The following ZNF503 variants were observed in gnomAD, a reference collection of about 807,000 sequenced individuals.
ZNF503 encodes zinc finger protein 503.
ZNF503 carries 15 observed loss-of-function variants against 34.4 expected under a neutral mutation model. The ratio of observed to expected loss-of-function variants is 0.44; its 90% CI spans 0.29 to 0.67. The LOEUF is 0.67. ZNF503 is among the 30% of genes least tolerant of loss of function. ZNF503 has a pLI of 0.13. For synonymous variants in ZNF503, 580 were observed against 456.8 expected, an observed-to-expected ratio of 1.27 and a Z score of -3.44; for missense variants, 1,007 against 926.8, an observed-to-expected ratio of 1.09 and a Z score of -1.12.
At chr10:75,354,184 G>C in the ZNF503 span, among the ~76,000 whole-genome samples, 4 of 152,266 alleles carry the variant, frequency 2.6e-5, no homozygotes, top group African/African-American at 7.2e-5. Context: ...TGCAAGTGGT[G>C]GTGGCAAAAC....
At chr10:75,331,470 G>A in the ZNF503 span, among the ~76,000 whole-genome samples, 1 of 152,022 alleles carries the variant, frequency 6.6e-6, no homozygotes, top group Non-Finnish European at 1.5e-5. Flanking sequence ...TTTTTTTAGA[G>A]ACAGAATCTC....
chr10:75,399,766 G>C lies in ZNF503; in HGVS notation c.924C>G (p.Gly308=), dbSNP rs1015501624. The C allele has an allele frequency of 1.3e-6, 2 of 1,593,252 alleles. No individual in the cohort carries two copies. The highest frequency in any genetic ancestry group is 1.7e-6 in the Non-Finnish European group (2 of 1,173,710). Residue 308 remains glycine, a synonymous_variant, in exon 2 of 2, where the codon GGC becomes GGG. Coordinates refer to ENST00000372524, the MANE Select transcript of ZNF503 (RefSeq NM_032772.6). The stretch of plus-strand genomic sequence containing the variant: ...AGCCCGATGAACCGCCGCAGTCCGA[G>C]CCCAGAGCCTTGCCTCCCGGGCCCC... ...PDGGPGGKAL[G]SDCGGSSGSS...
At chr10:75,314,322 CA>C in the ZNF503 span, among the ~76,000 whole-genome samples, 2 of 147,262 alleles carry the variant, frequency 1.4e-5, no homozygotes, top group Non-Finnish European at 3.0e-5. Flanking sequence ...AATATAAGAA[CA>C]AAATTAGAAG....
At chr10:75,322,096 T>C in the ZNF503 span, among the ~76,000 whole-genome samples, 1 of 151,524 alleles carries the variant, frequency 6.6e-6, no homozygotes, top group Non-Finnish European at 1.5e-5. Flanking sequence ...GGAATACTTT[T>C]GGAATACTTT....
chr10:75,383,087 T>A, the ZNF503 span, among the ~76,000 whole-genome samples: 1 of 152,196 alleles, frequency 6.6e-6, no homozygotes, highest in East Asian at 1.9e-4. Flanking sequence ...CTGCAGCTCT[T>A]GACTTGCTCT....
the ZNF503 span, among the ~76,000 whole-genome samples, chr10:75,294,752 C>G: frequency 7.9e-6 from 1 of 126,212 alleles, no homozygotes; most frequent in South Asian, 2.2e-4. Context: ...CGGCGGGGAG[C>G]CCGGAGAGAA....
the ZNF503 span, among the ~76,000 whole-genome samples, chr10:75,297,092 G>A: frequency 2.0e-5 from 3 of 152,056 alleles, no homozygotes; most frequent in African/African-American, 7.2e-5. Flanking sequence ...CCCCAAGAGT[G>A]CCAGCCTCTT....
At chr10:75,349,441 G>A in the ZNF503 span, among the ~76,000 whole-genome samples, 2 of 152,192 alleles carry the variant, frequency 1.3e-5, no homozygotes, top group Non-Finnish European at 2.9e-5. Context: ...GAGTTTTAAT[G>A]TTAATCTTAT....
the ZNF503 span, among the ~76,000 whole-genome samples, chr10:75,282,138 T>G: frequency 1.3e-5 from 2 of 152,226 alleles, no homozygotes; most frequent in African/African-American, 2.4e-5. Flanking sequence ...AAGGGCCCTC[T>G]GGCAGTCCCA....
At chr10:75,294,536 G>A in the ZNF503 span, among the ~76,000 whole-genome samples, 5 of 152,196 alleles carry the variant, frequency 3.3e-5, no homozygotes, top group African/African-American at 1.2e-4. Flanking sequence ...TTCAAAGACT[G>A]CAGTCTTCTC....
At chr10:75,336,871 C>T in the ZNF503 span, among the ~76,000 whole-genome samples, 2 of 152,198 alleles carry the variant, frequency 1.3e-5, no homozygotes, top group African/African-American at 4.8e-5. Context: ...CCCTTAATCT[C>T]AGCAACAGAG....
At chr10:75,315,533 C>T in the ZNF503 span, among the ~76,000 whole-genome samples, 1 of 152,074 alleles carries the variant, frequency 6.6e-6, no homozygotes, top group Non-Finnish European at 1.5e-5. Context: ...ACTGTAATAG[C>T]TATAAGATTT....
the ZNF503 span, among the ~76,000 whole-genome samples, chr10:75,373,825 G>A: frequency 6.6e-6 from 1 of 152,226 alleles, no homozygotes; most frequent in Non-Finnish European, 1.5e-5. Context: ...AAGTGTGAAA[G>A]TTTGGCTTTC....
At chr10:75,390,279 C>T in the ZNF503 span, among the ~76,000 whole-genome samples, 1 of 151,522 alleles carries the variant, frequency 6.6e-6, no homozygotes, top group Non-Finnish European at 1.5e-5. Flanking sequence ...CTTTTTTCCT[C>T]TTCTTCCTCT....
the ZNF503 span, among the ~76,000 whole-genome samples, chr10:75,325,649 T>C: frequency 1.3e-5 from 2 of 152,232 alleles, no homozygotes; most frequent in Admixed American, 1.3e-4. Context: ...TTAGTGATAA[T>C]AAAAAGTATA....
At chr10:75,368,382 A>C in the ZNF503 span, among the ~76,000 whole-genome samples, 7,690 of 152,278 alleles carry the variant, frequency 0.05, 662 homozygotes, top group African/African-American at 0.17. Context: ...AAAAATAAAA[A>C]ATCAAGATCT....
At chr10:75,329,431 C>CT in the ZNF503 span, among the ~76,000 whole-genome samples, 132 of 101,130 alleles carry the variant, frequency 1.3e-3, no homozygotes, top group Middle Eastern at 5.4e-3. Flanking sequence ...TCCTTCCTTC[C>CT]TTCCTTTCTT....
rs758497746 is a variant in ZNF503, at chr10:75,399,723, GGCCGGA to G, written c.961_966del (p.Ser321_Gly322del). 2.5e-6 allele frequency: 4 copies of G among 1,596,554 alleles called. No individual in the cohort carries two copies. Among genetic ancestry groups the G allele is most frequent in the East Asian group, 4.5e-5 (2 of 44,668 alleles). On this transcript the variant is annotated inframe_deletion, in exon 2 of 2. Transcript: ENST00000372524. The stretch of plus-strand genomic sequence containing the variant: ...ACTGAGGAGGAGGTGGGCGCGCTGG[GGCCGGA>G]GCCGGAGCTGGAGCCCGATGAACCG...
the ZNF503 span, among the ~76,000 whole-genome samples, chr10:75,292,466 A>G: frequency 6.6e-6 from 1 of 152,220 alleles, no homozygotes; most frequent in Non-Finnish European, 1.5e-5. Context: ...CCTGCGATAC[A>G]TTGGCTTCTT....
Sources: allele counts gnomAD v4.1 joint callset (sites outside exome capture counted in the v4.1 genomes callset), GRCh38; gene constraint gnomAD v4.1.1; transcripts MANE v1.5; gene names NCBI Gene and HGNC (gene_info 2026-07-23, HGNC 2026-07-21).